The following ARID4A variants were observed in gnomAD, a reference collection of about 807,000 sequenced individuals.
ARID4A encodes AT-rich interactive domain-containing protein 4A.
Under a neutral mutation model 148.6 loss-of-function variants are expected in ARID4A, and 39 were observed. That is an observed-to-expected ratio of 0.26 (90% CI 0.20 to 0.34). The LOEUF (loss-of-function observed/expected upper bound fraction) is 0.34. Ranked by LOEUF, ARID4A falls within the 10% of genes least tolerant of loss-of-function variation. The probability of loss-of-function intolerance (pLI) is 1.00; values close to 1 mark genes in which losing one functional copy is unlikely to be tolerated. For missense variants in ARID4A, 1,265 were observed against 1,449.1 expected (o/e 0.87, Z 2.06); for synonymous variants, 475 against 481.2 (o/e 0.99, Z 0.17).
intron 5 of ARID4A, among the ~76,000 whole-genome samples, chr14:58,306,599 C>T (rs1055534641): frequency 1.9e-4 from 29 of 152,274 alleles, no homozygotes; most frequent in South Asian, 1.7e-3. Context: ...CTTTCAAGGT[C>T]GGGCATGTTG....
rs552183972 is a variant in ARID4A at position 58,301,569 on chromosome 14, C to T, written c.7-11C>T. ...GTAATGACATTCACAGTTTTATGTTCCTTTCACCAGGCGGCAGATGAGCCT... is the reference window on the plus strand; with the variant it reads ...GTAATGACATTCACAGTTTTATGTTTCTTTCACCAGGCGGCAGATGAGCCT... On this transcript the variant is annotated splice_polypyrimidine_tract_variant and intron_variant, in intron 2 of 23. Transcript: ENST00000355431. The T allele has an allele frequency of 4.4e-6, 7 of 1,604,452 alleles. No homozygotes were observed. In the East Asian group the frequency reaches 1.6e-4, roughly 36 times the overall value.
rs201016535 is a variant in ARID4A at position 58,365,144 on chromosome 14, G to T, written c.3055G>T (p.Val1019Leu). ...LTLSQDESRS[V>L]KSESDITIEV... ...TCTTAGTCAAGATGAGTCTCGAAGC[G>T]TAAAAAGTGAGAGTGATATAACGAT... The change falls in exon 20 of 24, where the codon GTA (valine) becomes TTA (leucine). Residue 1019 changes from valine to leucine, a missense_variant. Around this residue, in one of 9 missense-constraint regions of ARID4A, gnomAD observed 666 missense variants for 730.9 expected, o/e 0.91. Transcript: ENST00000355431. 4 of 1,613,952 alleles carry T rather than the reference G, an allele frequency of 2.5e-6. No homozygotes were observed. The African/African-American group carries it at 5.3e-5, about 22-fold the overall frequency.
intron 20 of ARID4A, 47 bp from the exon 21 acceptor site, chr14:58,365,471 T>TTG: frequency 9.9e-7 from 1 of 1,014,022 alleles, no homozygotes; most frequent in Non-Finnish European, 1.3e-6. Context: ...CTTGCTCTTT[T>TTG]TTTTTTTTTT....
chr14:58,357,924 C>A (rs1390772366), intron 17 of ARID4A, among the ~76,000 whole-genome samples: 1 of 152,124 alleles, frequency 6.6e-6, no homozygotes, highest in African/African-American at 2.4e-5. Context: ...TTGAGAAGGC[C>A]AGGTGCAATG....
At chr14:58,346,345 T>C in intron 12 of ARID4A, 66 bp from the exon 13 acceptor site, 13 of 1,193,546 alleles carry the variant, frequency 1.1e-5, no homozygotes, top group Non-Finnish European at 1.2e-5. Context: ...AATTGACCGC[T>C]TTGTTTTCAA....
chr14:58,299,784 C>T lies in ARID4A; in HGVS notation c.-57-14C>T. 4 of 1,605,776 alleles carry T rather than the reference C, an allele frequency of 2.5e-6. No homozygotes were observed. The highest frequency in any genetic ancestry group is 2.2e-5 in the East Asian group (1 of 44,754). On this transcript the variant is annotated splice_polypyrimidine_tract_variant and intron_variant, in intron 1 of 23. Coordinates refer to ENST00000355431, the MANE Select transcript of ARID4A (RefSeq NM_002892.4). Reference sequence around the variant, plus strand: ...ACTGATTATGTCTGTGCCTGTCTTTCCCCCTCCCCATAGTTCTAGCGACTG... The same window carrying T: ...ACTGATTATGTCTGTGCCTGTCTTTTCCCCTCCCCATAGTTCTAGCGACTG...
chr14:58,301,524 G>C (rs764559012), intron 2 of ARID4A, 56 bp from the exon 3 acceptor site: 7 of 1,212,426 alleles, frequency 5.8e-6, no homozygotes, highest in Non-Finnish European at 8.5e-6. Flanking sequence ...TGAGACTTGA[G>C]GTTGGAGTAG....
chr14:58,335,911 T>A (rs1457626254), intron 11 of ARID4A, among the ~76,000 whole-genome samples: 1 of 152,160 alleles, frequency 6.6e-6, no homozygotes, highest in African/African-American at 2.4e-5. Flanking sequence ...GCCACTGTTC[T>A]CTTTACCTAG....
intron 23 of ARID4A, among the ~76,000 whole-genome samples, chr14:58,369,792 G>A (rs563618814): frequency 2.0e-5 from 3 of 152,216 alleles, no homozygotes. Flanking sequence ...TCCTACATAG[G>A]AAAATAGTGA....
chr14:58,338,216 C>T (rs2033926950), intron 11 of ARID4A, among the ~76,000 whole-genome samples: 1 of 152,078 alleles, frequency 6.6e-6, no homozygotes, highest in South Asian at 2.1e-4. Context: ...ACAAAGAGGG[C>T]TCTACTTGAA....
intron 11 of ARID4A, among the ~76,000 whole-genome samples, chr14:58,340,597 A>T (rs1367942782): frequency 3.3e-5 from 5 of 152,008 alleles, no homozygotes; most frequent in African/African-American, 1.2e-4. Context: ...CAATCCGCCC[A>T]TCTCGGCCTC....
intron 11 of ARID4A, among the ~76,000 whole-genome samples, chr14:58,334,437 T>C (rs954727761): frequency 1.3e-5 from 2 of 152,330 alleles, no homozygotes; most frequent in African/African-American, 2.4e-5. Flanking sequence ...TCATCTCTTA[T>C]GTGAGCCCTG....
intron 10 of ARID4A, 44 bp from the exon 11 acceptor site, chr14:58,329,959 C>A: frequency 6.4e-7 from 1 of 1,568,482 alleles, no homozygotes; most frequent in Non-Finnish European, 8.6e-7. Flanking sequence ...TTGTTCTATG[C>A]TGCCAATTCC....
chr14:58,340,892 G>A (rs2140219403), intron 11 of ARID4A, among the ~76,000 whole-genome samples: 1 of 152,308 alleles, frequency 6.6e-6, no homozygotes, highest in Admixed American at 6.5e-5. Flanking sequence ...TGAATGTGAA[G>A]CAAGAAAACT....
intron 11 of ARID4A, among the ~76,000 whole-genome samples, chr14:58,336,055 C>T (rs1182293470): frequency 6.6e-6 from 1 of 151,646 alleles, no homozygotes; most frequent in Non-Finnish European, 1.5e-5. Flanking sequence ...TATGTGATTC[C>T]TTTAGGAATA....
intron 1 of ARID4A, chr14:58,299,441 G>C (rs2030921110): frequency 5.9e-6 from 1 of 169,744 alleles, no homozygotes; most frequent in Non-Finnish European, 1.3e-5. Flanking sequence ...ACCGCGGAGC[G>C]GAGGCTCGGC....
intron 1 of ARID4A, chr14:58,299,234 C>G (rs556824370): frequency 2.0e-4 from 30 of 153,068 alleles, no homozygotes; most frequent in African/African-American, 6.7e-4. Context: ...CCCCGGGGCT[C>G]TGGCGGCTCC....
chr14:58,350,691 G>A (rs1021156438), intron 15 of ARID4A, among the ~76,000 whole-genome samples: 2 of 152,064 alleles, frequency 1.3e-5, no homozygotes, highest in Non-Finnish European at 1.5e-5. Flanking sequence ...TTATTGTTAC[G>A]TTTTATCATT....
intron 13 of ARID4A, 92 bp from the exon 14 acceptor site, chr14:58,346,928 A>G (rs1256621420): frequency 1.4e-4 from 8 of 57,994 alleles, no homozygotes; most frequent in Non-Finnish European, 2.4e-4. Flanking sequence ...ACCCTGTCTC[A>G]AAAAAAAAAA....
Sources: gnomAD v4.1 joint callset for allele counts (sites outside exome capture counted in the v4.1 genomes callset) on GRCh38, gnomAD v4.1.1 for gene constraint, gnomAD v4.1.1 regional missense constraint, MANE v1.5 for transcripts, NCBI Gene and HGNC (gene_info 2026-07-23, HGNC 2026-07-21) for gene names.